The following GKAP1 variants were observed in gnomAD, a reference collection of about 807,000 sequenced individuals.
GKAP1 encodes G kinase anchoring protein 1.
In GKAP1, 31 loss-of-function variants were observed where a neutral mutation model predicts 56.7. The ratio of observed to expected loss-of-function variants is 0.55; its 90% CI spans 0.41 to 0.74. The LOEUF (loss-of-function observed/expected upper bound fraction) is 0.74. Among genes scored for constraint, GKAP1 ranks in the 30% least tolerant of loss-of-function variants. The pLI, the probability that GKAP1 is intolerant of heterozygous loss-of-function variation, is 0.00. For synonymous variants in GKAP1, 151 were observed against 138.6 expected (o/e 1.09, Z -0.63); for missense variants, 364 against 402.3 (o/e 0.90, Z 0.82).
intron 3 of GKAP1, among the ~76,000 whole-genome samples, chr9:83,805,849 G>T (rs1944431693): frequency 6.6e-6 from 1 of 152,306 alleles, no homozygotes; most frequent in East Asian, 1.9e-4. Context: ...GGGTGTGGTG[G>T]CTCACGCCTG....
At chr9:83,753,380 C>T (rs1299956049) in intron 8 of GKAP1, 21 bp from the exon 9 acceptor site, 3 of 1,380,136 alleles carry the variant, frequency 2.2e-6, no homozygotes, top group Non-Finnish European at 3.1e-6. Context: ...AGAAACAACA[C>T]TTTAGGACTT....
chr9:83,740,732 T>C (rs1206124004), intron 12 of GKAP1, among the ~76,000 whole-genome samples: 1 of 152,184 alleles, frequency 6.6e-6, no homozygotes, highest in African/African-American at 2.4e-5. Context: ...GTTTGGGAAC[T>C]ACCTTTTCTG....
At chr9:83,787,286 G>T (rs1473856725) in intron 5 of GKAP1, among the ~76,000 whole-genome samples, 2 of 152,066 alleles carry the variant, frequency 1.3e-5, no homozygotes, top group Non-Finnish European at 2.9e-5. Context: ...CAGGCAGGAG[G>T]AGTGCAGTGG....
chr9:83,768,336 T>C (rs1564196298), intron 8 of GKAP1, among the ~76,000 whole-genome samples: 1 of 152,200 alleles, frequency 6.6e-6, no homozygotes, highest in Non-Finnish European at 1.5e-5. Context: ...AGTTCCTCAC[T>C]ATTCATACTC....
intron 7 of GKAP1, among the ~76,000 whole-genome samples, chr9:83,777,950 T>C (rs1348959747): frequency 6.6e-6 from 1 of 152,130 alleles, no homozygotes; most frequent in Non-Finnish European, 1.5e-5. Context: ...CAGAAAGAAA[T>C]GCCTCTAATG....
intron 8 of GKAP1, among the ~76,000 whole-genome samples, chr9:83,758,300 C>T (rs1194872238): frequency 1.3e-5 from 2 of 152,078 alleles, no homozygotes; most frequent in African/African-American, 2.4e-5. Flanking sequence ...AGGGCAAATA[C>T]CAAGCAACTT....
chr9:83,798,675 G>A (rs530676120), intron 4 of GKAP1, among the ~76,000 whole-genome samples: 5 of 152,080 alleles, frequency 3.3e-5, no homozygotes, highest in East Asian at 3.9e-4. Context: ...CTCCATGCCC[G>A]GCTAATTTTT....
At position 83,753,309 on chromosome 9, in the gene GKAP1, T is replaced by C. The variant is rs1355009831; in HGVS notation, c.789A>G (p.Glu263=). Residue 263 remains glutamate (E), a synonymous_variant, in exon 9 of 13, where the codon GAA becomes GAG. Coordinates refer to ENST00000376371, the MANE Select transcript of GKAP1 (RefSeq NM_025211.4). ...GCTTCTGGATTTCAGCATCTTTCCTTTCAAGCTCTAACTTTAGTCTTTCAA... is the reference window on the plus strand; with the variant it reads ...GCTTCTGGATTTCAGCATCTTTCCTCTCAAGCTCTAACTTTAGTCTTTCAA... ...GRIERLKLEL[E]RKDAEIQKLK... The C allele has an allele frequency of 6.2e-7, 1 of 1,611,718 alleles. No homozygotes were observed. Among genetic ancestry groups the C allele is most frequent in the Non-Finnish European group, 8.5e-7 (1 of 1,178,454 alleles).
intron 3 of GKAP1, among the ~76,000 whole-genome samples, chr9:83,801,979 T>C (rs1199542633): frequency 1.3e-5 from 2 of 152,192 alleles, no homozygotes; most frequent in Non-Finnish European, 2.9e-5. Context: ...CTTGGGACAT[T>C]ACTATGAGAA....
At position 83,739,624 on chromosome 9, in the gene GKAP1, A is replaced by G; in HGVS notation, c.*73T>C. The G allele has an allele frequency of 8.5e-7, 1 of 1,175,576 alleles. No homozygotes were observed. The highest frequency in any genetic ancestry group is 1.2e-6 in the Non-Finnish European group (1 of 823,654). The allele number at this position is 1,175,576 out of a possible 1,614,324, so 72.8% of individuals were successfully genotyped here. A position where few individuals can be genotyped will look rare whatever the true frequency, so the allele number is the denominator to read the frequency against. ...AAACTGCATAGTTTAGCAGTTGCACAGCATTAAATATATACAACTTTGCAA... is the reference window on the plus strand; with the variant it reads ...AAACTGCATAGTTTAGCAGTTGCACGGCATTAAATATATACAACTTTGCAA... On this transcript the variant is annotated 3_prime_UTR_variant, in exon 13 of 13. Coordinates refer to ENST00000376371, the MANE Select transcript of GKAP1 (RefSeq NM_025211.4).
chr9:83,755,602 C>CA lies in GKAP1; in HGVS notation c.739-2244dup, dbSNP rs553196259. 1.9e-3 allele frequency among the ~76,000 whole-genome samples: 283 copies of CA among 146,870 alleles called. 1 individual carries two copies. The highest frequency in any genetic ancestry group is 0.01 in the Middle Eastern group (3 of 292). ...TAAGAAGCCCTTCTGAAATTGACAT[C>CA]AAAAAAAAGAGGAAAAATGGAAAAG... On this transcript the variant is annotated intron_variant, in intron 8 of 12. Transcript: ENST00000376371.
At chr9:83,780,529 C>T (rs1026051195) in intron 6 of GKAP1, 125 bp from the exon 7 acceptor site, 11 of 511,690 alleles carry the variant, frequency 2.1e-5, no homozygotes, top group Non-Finnish European at 3.4e-5. Flanking sequence ...TTATAGAAGT[C>T]ATTTAAGAGT....
intron 7 of GKAP1, among the ~76,000 whole-genome samples, chr9:83,771,286 G>T (rs970726843): frequency 6.6e-6 from 1 of 151,808 alleles, no homozygotes; most frequent in African/African-American, 2.4e-5. Context: ...GTTTCACCAT[G>T]TTGGCCAGTG....
In GKAP1 at chr9:83,799,202, T is replaced by G; in HGVS notation, c.343A>C (p.Arg115=). The G allele has an allele frequency of 6.2e-7, 1 of 1,613,462 alleles. No homozygotes were observed. Among genetic ancestry groups the G allele is most frequent in the Non-Finnish European group, 8.5e-7 (1 of 1,179,768 alleles). The change falls in exon 4 of 13, where the codon AGA becomes CGA. Residue 115 remains arginine, a synonymous_variant. Coordinates refer to ENST00000376371, the MANE Select transcript of GKAP1 (RefSeq NM_025211.4). ...DSREENWQEW[R]QRDEQLTSEM... ...AGTTGTACCTGCTCATCTCTTTGTC[T>G]CCACTCTTGCCAATTTTCTTCTCGT...
chr9:83,750,158 CA>C (rs35829252), intron 9 of GKAP1, among the ~76,000 whole-genome samples: 48,156 of 151,884 alleles, frequency 0.32, 8,513 homozygotes, highest in Admixed American at 0.48. Flanking sequence ...GCAAAAATTG[CA>C]AATGAGCATG....
intron 7 of GKAP1, among the ~76,000 whole-genome samples, chr9:83,777,654 G>A (rs1943886278): frequency 6.6e-6 from 1 of 151,942 alleles, no homozygotes; most frequent in South Asian, 2.1e-4. Context: ...TTTAAGGGGA[G>A]GTAGGTAAGA....
intron 6 of GKAP1, among the ~76,000 whole-genome samples, chr9:83,782,212 A>G (rs1002119831): frequency 2.6e-5 from 4 of 151,940 alleles, no homozygotes; most frequent in Non-Finnish European, 5.9e-5. Context: ...TGGCATGATC[A>G]TAGCTCACTA....
chr9:83,756,089 C>T (rs1269303441), intron 8 of GKAP1, among the ~76,000 whole-genome samples: 1 of 151,894 alleles, frequency 6.6e-6, no homozygotes, highest in African/African-American at 2.4e-5. Flanking sequence ...ACAAGCGTGA[C>T]CCACCGCACC....
chr9:83,774,043 T>C (rs1174067681), intron 7 of GKAP1, among the ~76,000 whole-genome samples: 1 of 151,986 alleles, frequency 6.6e-6, no homozygotes, highest in African/African-American at 2.4e-5. Flanking sequence ...CTAATTTTTC[T>C]ATCTTTAGTA....
Sources: gnomAD v4.1 joint callset for allele counts (sites outside exome capture counted in the v4.1 genomes callset) on GRCh38, gnomAD v4.1.1 for gene constraint, MANE v1.5 for transcripts, NCBI Gene and HGNC (gene_info 2026-07-23, HGNC 2026-07-21) for gene names.